AOPEP: variants seen among roughly 807,000 people sequenced by gnomAD.
AOPEP encodes aminopeptidase O (putative), also known as aminopeptidase O.
AOPEP carries 77 observed loss-of-function variants against 98.1 expected under a neutral mutation model. The ratio of observed to expected loss-of-function variants is 0.78; its 90% CI spans 0.65 to 0.95. The LOEUF (loss-of-function observed/expected upper bound fraction) is 0.95. AOPEP is among the 40% of genes least tolerant of loss of function. The pLI, the probability that AOPEP is intolerant of heterozygous loss-of-function variation, is 0.00. For missense variants in AOPEP, 1,024 were observed against 1,024.7 expected (o/e 1.00, Z 0.01); for synonymous variants, 346 against 365.3 (o/e 0.95, Z 0.60).
chr9:94,819,239 T>C (rs1369656540), intron 5 of AOPEP, among the ~76,000 whole-genome samples: 1 of 152,156 alleles, frequency 6.6e-6, no homozygotes, highest in African/African-American at 2.4e-5. Flanking sequence ...CTGTTCTCAG[T>C]ATTATCTGAG....
intron 1 of AOPEP, among the ~76,000 whole-genome samples, chr9:94,750,279 T>C (rs1051180023): frequency 3.9e-5 from 6 of 152,198 alleles, no homozygotes; most frequent in Admixed American, 2.0e-4. Flanking sequence ...TCTCTCATTC[T>C]TCAGCCAGTA....
chr9:94,979,694 C>T lies in AOPEP; in HGVS notation c.1977+267C>T, dbSNP rs988882356. ...CCCTGCTAAATGAGACCCTGCAAGA[C>T]GTGGGGTAGATTTTGGGTGGAACCA... On this transcript the variant is annotated intron_variant, in intron 11 of 16. Coordinates refer to ENST00000375315, the MANE Select transcript of AOPEP (RefSeq NM_001193329.3). Among the ~76,000 whole-genome samples the T allele has an allele frequency of 4.6e-5, 7 of 152,220 alleles. 1 individual carries two copies. The highest frequency in any genetic ancestry group is 2.0e-4 in the Admixed American group (3 of 15,298).
intron 14 of AOPEP, among the ~76,000 whole-genome samples, chr9:95,076,550 A>G (rs2069091539): frequency 6.6e-6 from 1 of 152,238 alleles, no homozygotes; most frequent in Non-Finnish European, 1.5e-5. Flanking sequence ...TGGGAATCGT[A>G]AGTCAAGATA....
chr9:94,864,812 T>G (rs1464413298), intron 5 of AOPEP, among the ~76,000 whole-genome samples: 1 of 152,224 alleles, frequency 6.6e-6, no homozygotes, highest in African/African-American at 2.4e-5. Context: ...AATTTTATAA[T>G]AGGTTGCTGT....
At chr9:95,005,322 C>T in intron 12 of AOPEP, 102 bp downstream of exon 12, 1 of 745,938 alleles carries the variant, frequency 1.3e-6, no homozygotes, top group Non-Finnish European at 1.8e-6. Context: ...GGTGCGGGGA[C>T]TACCCGCCAG....
intron 4 of AOPEP, among the ~76,000 whole-genome samples, chr9:94,793,640 G>T (rs1288739810): frequency 1.1e-4 from 17 of 150,676 alleles, no homozygotes; most frequent in Admixed American, 1.1e-3. Context: ...TTGCGCCACC[G>T]CACTCCAGCC....
At chr9:94,871,080 A>G (rs1410981375) in intron 5 of AOPEP, among the ~76,000 whole-genome samples, 1 of 152,140 alleles carries the variant, frequency 6.6e-6, no homozygotes, top group Non-Finnish European at 1.5e-5. Context: ...TCCCAGTTCC[A>G]TTCTCTGCAA....
chr9:95,098,785 C>G, the AOPEP span, among the ~76,000 whole-genome samples: 2 of 152,212 alleles, frequency 1.3e-5, no homozygotes, highest in East Asian at 3.8e-4. Context: ...TCAAGCCTGG[C>G]TTAGAGAAAA....
chr9:95,091,521 CGGT>C (rs1034936615), downstream of AOPEP, among the ~76,000 whole-genome samples: 9 of 152,150 alleles, frequency 5.9e-5, no homozygotes, highest in African/African-American at 9.7e-5. Flanking sequence ...GGCACGGAGA[CGGT>C]GGCCACCCAA....
chr9:95,037,367 C>G (rs529601656), intron 13 of AOPEP, among the ~76,000 whole-genome samples: 2 of 152,244 alleles, frequency 1.3e-5, no homozygotes, highest in South Asian at 4.1e-4. Flanking sequence ...TACAGTTAAC[C>G]ATGAAAAATA....
chr9:94,964,703 G>A (rs894678478), intron 9 of AOPEP, among the ~76,000 whole-genome samples: 1 of 146,836 alleles, frequency 6.8e-6, no homozygotes, highest in East Asian at 2.0e-4. Context: ...GCAATGGCGC[G>A]ATCTCGGCTC....
intron 3 of AOPEP, among the ~76,000 whole-genome samples, chr9:94,774,808 C>T (rs1841719056): frequency 6.6e-6 from 1 of 152,164 alleles, no homozygotes. Context: ...CCAATTTATA[C>T]ATTCATCTGT....
chr9:94,975,911 T>C (rs116541844), intron 10 of AOPEP, among the ~76,000 whole-genome samples: 1,610 of 152,332 alleles, frequency 0.011, 30 homozygotes, highest in African/African-American at 0.037. Context: ...GAACGGAGTC[T>C]GCACACTACT....
At position 94,762,272 on chromosome 9, in the gene AOPEP, CCT is replaced by C. The variant is rs559738635; in HGVS notation, c.797+1693_797+1694del. On this transcript the variant is annotated intron_variant, in intron 2 of 16. Coordinates refer to ENST00000375315, the MANE Select transcript of AOPEP (RefSeq NM_001193329.3). ...ACCATCCTGGCTAACACGGTGAAACCCTGTCTCTACTAAAAATACAAAAAATT... is the reference window on the plus strand; with the variant it reads ...ACCATCCTGGCTAACACGGTGAAACCGTCTCTACTAAAAATACAAAAAATT... Among the ~76,000 whole-genome samples, 132 of 152,112 alleles carry C rather than the reference CCT, an allele frequency of 8.7e-4. No individual in the cohort carries two copies. In the East Asian group the frequency reaches 0.011, roughly 13 times the overall value.
chr9:95,141,357 T>C, the AOPEP span, among the ~76,000 whole-genome samples: 352 of 141,752 alleles, frequency 2.5e-3, 2 homozygotes, highest in Non-Finnish European at 4.5e-3. Context: ...AGGAAGTCTC[T>C]CAGTTTCCAT....
chr9:94,899,136 G>A, intron 5 of AOPEP, among the ~76,000 whole-genome samples: 1 of 150,982 alleles, frequency 6.6e-6, no homozygotes, highest in Non-Finnish European at 1.5e-5. Context: ...AGTCCAAGTG[G>A]AGGACTGATG....
intron 13 of AOPEP, among the ~76,000 whole-genome samples, chr9:95,051,128 C>T (rs901371950): frequency 1.0e-4 from 13 of 129,732 alleles, no homozygotes; most frequent in African/African-American, 2.6e-4. Context: ...CTCGCTCTGT[C>T]GCCCAGGCTG....
At chr9:95,064,447 C>T (rs1023175562) in intron 14 of AOPEP, among the ~76,000 whole-genome samples, 2 of 152,184 alleles carry the variant, frequency 1.3e-5, no homozygotes, top group Admixed American at 6.5e-5. Context: ...CCCACCACCA[C>T]GCCCAGCCAA....
chr9:94,895,609 GAC>G (rs887806974), intron 5 of AOPEP, among the ~76,000 whole-genome samples: 4 of 151,304 alleles, frequency 2.6e-5, no homozygotes, highest in African/African-American at 9.7e-5. Context: ...TTTTTTTTGA[GAC>G]AGAGTCTCCC....
Sources: allele counts gnomAD v4.1 joint callset (sites outside exome capture counted in the v4.1 genomes callset), GRCh38; gene constraint gnomAD v4.1.1; transcripts MANE v1.5; gene names NCBI Gene and HGNC (gene_info 2026-07-23, HGNC 2026-07-21).